Variants in RARB observed in about 807,000 individuals in gnomAD.
RARB encodes retinoic acid receptor beta, also known as HBV-activated protein.
Under a neutral mutation model 51.9 loss-of-function variants are expected in RARB, and 17 were observed. That is an observed-to-expected ratio of 0.33 (90% CI 0.22 to 0.49). The LOEUF is 0.49. Among genes scored for constraint, RARB ranks in the 20% least tolerant of loss-of-function variants. The probability of loss-of-function intolerance (pLI) is 0.99; values close to 1 mark genes in which losing one functional copy is unlikely to be tolerated. For synonymous variants in RARB, 215 were observed against 195.4 expected (o/e 1.10, Z -0.84); for missense variants, 369 against 550.8 (o/e 0.67, Z 3.30).
chr3:25,118,490 G>T (rs1699728036), intron 3 of RARB, among the ~76,000 whole-genome samples: 1 of 152,116 alleles, frequency 6.6e-6, no homozygotes, highest in Non-Finnish European at 1.5e-5. Context: ...CTTTGTCTGA[G>T]CAAAGATATA....
intron 3 of RARB, among the ~76,000 whole-genome samples, chr3:25,503,304 T>C (rs1216588864): frequency 1.3e-5 from 2 of 152,242 alleles, no homozygotes; most frequent in Admixed American, 6.5e-5. Context: ...TGCTCTAGTT[T>C]TGGTCTGATG....
chr3:25,246,930 T>C (rs944030193), intron 5 of RARB, among the ~76,000 whole-genome samples: 5 of 152,178 alleles, frequency 3.3e-5, no homozygotes, highest in Admixed American at 2.6e-4. Flanking sequence ...CAGCTGCCCC[T>C]TCCCTCAGGT....
intron 2 of RARB, among the ~76,000 whole-genome samples, chr3:24,976,613 GT>G (rs997174320): frequency 5.4e-4 from 82 of 150,816 alleles, no homozygotes; most frequent in Admixed American, 1.3e-3. Context: ...TTTTTGAAGG[GT>G]TTTTTTTTCT....
At chr3:25,215,792 C>A (rs143287806) in intron 5 of RARB, among the ~76,000 whole-genome samples, 14 of 152,220 alleles carry the variant, frequency 9.2e-5, no homozygotes, top group African/African-American at 3.1e-4. Flanking sequence ...CTGGGTCTTA[C>A]GAGGATCAGG....
chr3:24,994,227 G>A (rs1019345288), intron 2 of RARB, among the ~76,000 whole-genome samples: 2 of 151,868 alleles, frequency 1.3e-5, no homozygotes, highest in Middle Eastern at 6.8e-3. Flanking sequence ...ACCTCATTTT[G>A]GTTTTTGTTT....
At chr3:25,047,789 C>T (rs1355887820) in intron 2 of RARB, among the ~76,000 whole-genome samples, 1 of 152,164 alleles carries the variant, frequency 6.6e-6, no homozygotes, top group Non-Finnish European at 1.5e-5. Context: ...CATTTCTCAC[C>T]TGAATTATGC....
intron 2 of RARB, among the ~76,000 whole-genome samples, chr3:24,966,897 C>G (rs1467081718): frequency 6.6e-6 from 1 of 152,108 alleles, no homozygotes; most frequent in Non-Finnish European, 1.5e-5. Flanking sequence ...CTGTGTTGAA[C>G]CACACATCCT....
At chr3:25,099,940 C>G (rs1019467513) in intron 3 of RARB, among the ~76,000 whole-genome samples, 1 of 152,186 alleles carries the variant, frequency 6.6e-6, no homozygotes, top group Admixed American at 6.5e-5. Context: ...TACCTTGGCT[C>G]CTTGGCCTAC....
intron 3 of RARB, among the ~76,000 whole-genome samples, chr3:25,130,368 C>T (rs981006842): frequency 2.6e-5 from 4 of 152,058 alleles, no homozygotes; most frequent in Non-Finnish European, 5.9e-5. Context: ...TTCATTAGAA[C>T]ATATGCTGTG....
intron 3 of RARB, among the ~76,000 whole-genome samples, chr3:25,095,405 C>G (rs1699276128): frequency 6.6e-6 from 1 of 152,156 alleles, no homozygotes. Flanking sequence ...GGGTTCCACA[C>G]TAGACCTGTG....
intron 5 of RARB, among the ~76,000 whole-genome samples, chr3:25,207,715 G>A (rs1309132285): frequency 1.3e-5 from 2 of 152,166 alleles, no homozygotes; most frequent in Non-Finnish European, 2.9e-5. Flanking sequence ...CAAGTAGTTA[G>A]AGCAGTATTA....
intron 5 of RARB, among the ~76,000 whole-genome samples, chr3:25,323,116 A>G (rs1280474153): frequency 6.6e-6 from 1 of 152,124 alleles, no homozygotes; most frequent in Non-Finnish European, 1.5e-5. Context: ...CCTCTCTCCA[A>G]CAGAATACCC....
intron 2 of RARB, among the ~76,000 whole-genome samples, chr3:25,485,875 A>T (rs1293456085): frequency 2.0e-5 from 3 of 152,042 alleles, no homozygotes; most frequent in Non-Finnish European, 4.4e-5. Context: ...GATTCTGGGG[A>T]TAATTGCTGG....
chr3:25,584,486 A>G (rs1701304390), intron 5 of RARB, among the ~76,000 whole-genome samples: 2 of 152,188 alleles, frequency 1.3e-5, no homozygotes, highest in South Asian at 4.1e-4. Flanking sequence ...TGTTTCCCAG[A>G]AAGAGCCAGG....
intron 2 of RARB, among the ~76,000 whole-genome samples, chr3:24,977,963 A>C (rs1232217444): frequency 6.6e-6 from 1 of 152,166 alleles, no homozygotes; most frequent in South Asian, 2.1e-4. Flanking sequence ...TTTAGCATGA[A>C]GTGCTGTTGA....
chr3:25,548,643 A>C (rs376648142), intron 3 of RARB, among the ~76,000 whole-genome samples: 82 of 65,010 alleles, frequency 1.3e-3, no homozygotes, highest in South Asian at 3.4e-3. Context: ...CTCCCCCGAC[A>C]AAAAAAAAAA....
At chr3:24,862,420 G>C (rs1025152045) in intron 2 of RARB, among the ~76,000 whole-genome samples, 3 of 152,108 alleles carry the variant, frequency 2.0e-5, no homozygotes, top group Non-Finnish European at 2.9e-5. Flanking sequence ...CCATGTTTTT[G>C]CCTTCCACAG....
intron 5 of RARB, among the ~76,000 whole-genome samples, chr3:25,581,956 G>A (rs1398338949): frequency 6.6e-6 from 1 of 152,138 alleles, no homozygotes; most frequent in Non-Finnish European, 1.5e-5. Context: ...AGACAGGAGG[G>A]CAGGGATCTT....
At chr3:25,165,795 C>T (rs1700551724) in intron 4 of RARB, among the ~76,000 whole-genome samples, 1 of 152,092 alleles carries the variant, frequency 6.6e-6, no homozygotes, top group Non-Finnish European at 1.5e-5. Flanking sequence ...CCTAAAAACC[C>T]CTATTTACAT....
Sources: allele counts gnomAD v4.1 joint callset (sites outside exome capture counted in the v4.1 genomes callset), GRCh38; gene constraint gnomAD v4.1.1; transcripts MANE v1.5; gene names NCBI Gene and HGNC (gene_info 2026-07-23, HGNC 2026-07-21).